FOXK2: variants seen among roughly 807,000 people sequenced by gnomAD.
FOXK2 encodes the protein forkhead box protein K2.
In FOXK2, 24 loss-of-function variants were observed where a neutral mutation model predicts 53.3. The observed-to-expected ratio is 0.45, with a 90% CI of 0.33 to 0.63. The LOEUF (loss-of-function observed/expected upper bound fraction) is 0.63, where lower values mean the gene tolerates loss of function less well. FOXK2 is among the 30% of genes least tolerant of loss of function. The pLI, the probability that FOXK2 is intolerant of heterozygous loss-of-function variation, is 0.03. For synonymous variants in FOXK2, 505 were observed against 407.1 expected (o/e 1.24, Z -2.89); for missense variants, 952 against 910.5 (o/e 1.05, Z -0.59).
At chr17:82,562,267 G>C (rs1445504929) in intron 1 of FOXK2, among the ~76,000 whole-genome samples, 1 of 152,186 alleles carries the variant, frequency 6.6e-6, no homozygotes, top group African/African-American at 2.4e-5. Flanking sequence ...ACAGTGAAAA[G>C]GGTGATAGGA....
intron 1 of FOXK2, among the ~76,000 whole-genome samples, chr17:82,538,712 C>CT (rs1229264855): frequency 1.2e-4 from 19 of 152,168 alleles, no homozygotes; most frequent in Non-Finnish European, 1.8e-4. Context: ...TAGGATGCAT[C>CT]TTTCCAGCCG....
intron 1 of FOXK2, among the ~76,000 whole-genome samples, chr17:82,538,087 A>G (rs1473486238): frequency 6.6e-6 from 1 of 151,072 alleles, no homozygotes; most frequent in Non-Finnish European, 1.5e-5. Flanking sequence ...GCTGGGCATG[A>G]TGGTCGGTGC....
At chr17:82,581,647 T>C (rs1471158232) in intron 4 of FOXK2, among the ~76,000 whole-genome samples, 2 of 152,116 alleles carry the variant, frequency 1.3e-5, no homozygotes, top group African/African-American at 4.8e-5. Context: ...CGCTAATTTT[T>C]CGTATTTTTA....
intron 8 of FOXK2, chr17:82,593,588 G>A (rs2143160276): frequency 6.6e-6 from 1 of 152,418 alleles, no homozygotes; most frequent in East Asian, 1.9e-4. Context: ...GCCCCACAGA[G>A]GAATTACGGT....
At chr17:82,590,143 C>T (rs1280960002) in intron 8 of FOXK2, among the ~76,000 whole-genome samples, 1 of 152,078 alleles carries the variant, frequency 6.6e-6, no homozygotes, top group African/African-American at 2.4e-5. Context: ...CCCAGTTGAG[C>T]AGATGAGAGA....
At chr17:82,555,885 C>CAAAAAAAAAAA (rs71168116) in intron 1 of FOXK2, among the ~76,000 whole-genome samples, 13 of 74,244 alleles carry the variant, frequency 1.8e-4, no homozygotes, top group African/African-American at 3.2e-4. Context: ...GACTCTATCA[C>CAAAAAAAAAAA]AAAAAAAAAA....
At chr17:82,586,905 A>T (rs572795971) in intron 7 of FOXK2, among the ~76,000 whole-genome samples, 158 bp from the exon 8 acceptor site, 2 of 152,272 alleles carry the variant, frequency 1.3e-5, no homozygotes, top group African/African-American at 4.8e-5. Flanking sequence ...ATCTCAAAAA[A>T]CAAAAAAAAG....
chr17:82,535,955 G>A (rs772755642), intron 1 of FOXK2, among the ~76,000 whole-genome samples: 2 of 151,842 alleles, frequency 1.3e-5, no homozygotes, highest in African/African-American at 2.4e-5. Context: ...TTGGTCAGGC[G>A]GGTCTGGAAC....
At chr17:82,560,421 C>T (rs2044780848) in intron 1 of FOXK2, among the ~76,000 whole-genome samples, 1 of 151,958 alleles carries the variant, frequency 6.6e-6, no homozygotes, top group Admixed American at 6.6e-5. Context: ...GCCACCGTGC[C>T]CGGCCCTCCT....
intron 1 of FOXK2, among the ~76,000 whole-genome samples, chr17:82,533,556 C>A (rs1351580801): frequency 6.6e-6 from 1 of 151,914 alleles, no homozygotes; most frequent in Admixed American, 6.6e-5. Context: ...TTAAGTATTA[C>A]ATATTGTACG....
At chr17:82,537,855 G>A (rs1229688647) in intron 1 of FOXK2, among the ~76,000 whole-genome samples, 1 of 150,682 alleles carries the variant, frequency 6.6e-6, no homozygotes, top group Non-Finnish European at 1.5e-5. Flanking sequence ...CTGGGAGGTG[G>A]AGGTTATAGT....
chr17:82,584,040 G>T lies in FOXK2; in HGVS notation c.1131G>T (p.Ala377=). 6.2e-7 allele frequency: 1 copy of T among 1,608,242 alleles called. No individual in the cohort carries two copies. Among genetic ancestry groups the T allele is most frequent in the Non-Finnish European group, 8.5e-7 (1 of 1,177,430 alleles). Residue 377 remains alanine, a synonymous_variant, in exon 6 of 9, where the codon GCG becomes GCT. Coordinates refer to ENST00000335255, the MANE Select transcript of FOXK2 (RefSeq NM_004514.4). ...GTGCCCCAGCCTCTCCCAATCACGC[G>T]GGAGTGCTGTCTGCTCACTCTAGTG... The part of the protein sequence containing the change: ...SRSAPASPNH[A]GVLSAHSSGA...
intron 1 of FOXK2, among the ~76,000 whole-genome samples, chr17:82,537,619 C>CAAA (rs963026198): frequency 9.4e-4 from 50 of 52,986 alleles, no homozygotes; most frequent in East Asian, 1.7e-3. Context: ...GACTCCATCT[C>CAAA]AAAAAAAAAA....
At chr17:82,534,804 G>A (rs1365024439) in intron 1 of FOXK2, among the ~76,000 whole-genome samples, 6 of 152,180 alleles carry the variant, frequency 3.9e-5, no homozygotes, top group African/African-American at 1.4e-4. Context: ...CTTTTATCTT[G>A]TTCTCTCTTA....
intron 1 of FOXK2, among the ~76,000 whole-genome samples, chr17:82,528,258 T>A (rs1013472124): frequency 1.3e-5 from 2 of 152,194 alleles, no homozygotes; most frequent in East Asian, 1.9e-4. Context: ...ATGAGGCTGT[T>A]ACAGTAACAG....
At chr17:82,546,448 A>G (rs1363396677) in intron 1 of FOXK2, among the ~76,000 whole-genome samples, 1 of 151,644 alleles carries the variant, frequency 6.6e-6, no homozygotes, top group Middle Eastern at 3.2e-3. Flanking sequence ...TTTCCTGCAC[A>G]TTAACAAATG....
At chr17:82,566,473 T>C (rs984915890) in intron 2 of FOXK2, among the ~76,000 whole-genome samples, 1 of 152,240 alleles carries the variant, frequency 6.6e-6, no homozygotes, top group South Asian at 2.1e-4. Context: ...GGCCAAATAG[T>C]AAGTGTGCAA....
Position 82,585,996 on chromosome 17 carries a change from G to T in FOXK2, c.1372G>T (p.Val458Leu). Residue 458 changes from valine to leucine, a missense_variant, in exon 7 of 9, where the codon GTG (valine) becomes TTG (leucine). By Grantham distance (32) the Val-to-Leu change is conservative. Coordinates refer to ENST00000335255, the MANE Select transcript of FOXK2 (RefSeq NM_004514.4). ...KPVTYTVATP[V>L]TTSTSQPPVV... ...TGTCACCTACACTGTGGCCACCCCA[G>T]TGACCACCTCGACCTCCCAGCCACC... 1 of 1,612,812 alleles carries T rather than the reference G, an allele frequency of 6.2e-7. No individual in the cohort carries two copies. Among genetic ancestry groups the T allele is most frequent in the Non-Finnish European group, 8.5e-7 (1 of 1,179,966 alleles).
chr17:82,555,871 G>A (rs2044718789), intron 1 of FOXK2, among the ~76,000 whole-genome samples: 2 of 94,950 alleles, frequency 2.1e-5, no homozygotes, highest in South Asian at 6.5e-4. Flanking sequence ...CTGGGCGAAA[G>A]CAAGACTCTA....
Sources: gnomAD v4.1 joint callset for allele counts (sites outside exome capture counted in the v4.1 genomes callset) on GRCh38, gnomAD v4.1.1 for gene constraint, MANE v1.5 for transcripts, NCBI Gene and HGNC (gene_info 2026-07-23, HGNC 2026-07-21) for gene names.